GSTCD: variants seen among roughly 807,000 people sequenced by gnomAD.
The protein encoded by GSTCD is glutathione S-transferase C-terminal domain containing.
In GSTCD, 44 loss-of-function variants were observed where a neutral mutation model predicts 68.3. That is an observed-to-expected ratio of 0.64 (90% CI 0.51 to 0.83). The LOEUF (loss-of-function observed/expected upper bound fraction) is 0.83, where lower values mean the gene tolerates loss of function less well. Among genes scored for constraint, GSTCD ranks in the 40% least tolerant of loss-of-function variants. GSTCD has a pLI of 0.00. For missense variants in GSTCD, 739 were observed against 735.9 expected (o/e 1.00, Z -0.05); for synonymous variants, 273 against 255.2 (o/e 1.07, Z -0.67).
At chr4:105,711,418 TTTGG>T (rs1245922988) in intron 1 of GSTCD, among the ~76,000 whole-genome samples, 3 of 152,220 alleles carry the variant, frequency 2.0e-5, no homozygotes, top group African/African-American at 7.2e-5. Context: ...TTTTTCAGTA[TTTGG>T]TTGGGAAAAA....
intron 1 of GSTCD, among the ~76,000 whole-genome samples, chr4:105,712,213 G>A (rs887534884): frequency 6.6e-6 from 1 of 152,198 alleles, no homozygotes; most frequent in South Asian, 2.1e-4. Context: ...GGGAAGCTAG[G>A]TAAGAGGCTA....
intron 5 of GSTCD, among the ~76,000 whole-genome samples, chr4:105,812,550 T>A (rs1481187558): frequency 6.6e-6 from 1 of 152,062 alleles, no homozygotes; most frequent in African/African-American, 2.4e-5. Context: ...CATTTAAAAG[T>A]CTAAACAGTG....
At chr4:105,821,359 T>C (rs1156326838) in intron 5 of GSTCD, among the ~76,000 whole-genome samples, 1 of 151,864 alleles carries the variant, frequency 6.6e-6, no homozygotes, top group South Asian at 2.1e-4. Context: ...AAAGTTGTCA[T>C]GACAAAAATC....
intron 5 of GSTCD, among the ~76,000 whole-genome samples, chr4:105,743,865 C>A (rs1204697404): frequency 6.6e-6 from 1 of 151,614 alleles, no homozygotes; most frequent in Non-Finnish European, 1.5e-5. Context: ...TTTCACCGTG[C>A]TAGCCAGGAT....
chr4:105,841,548 G>A (rs144782586), intron 10 of GSTCD, among the ~76,000 whole-genome samples: 1 of 152,062 alleles, frequency 6.6e-6, no homozygotes, highest in African/African-American at 2.4e-5. Flanking sequence ...AGCTACATCT[G>A]GGCCAGCTGG....
chr4:105,769,263 ACACACACACAC>A (rs1359430216), intron 5 of GSTCD, among the ~76,000 whole-genome samples: 1 of 151,298 alleles, frequency 6.6e-6, no homozygotes, highest in Admixed American at 6.6e-5. Context: ...ACACACACAC[ACACACACACAC>A]CACTTTTCCT....
intron 5 of GSTCD, chr4:105,807,372 C>T (rs1722560020): frequency 6.6e-6 from 1 of 152,156 alleles, no homozygotes; most frequent in African/African-American, 2.4e-5. Context: ...ATGGAATACA[C>T]TGCCTGTATT....
chr4:105,794,121 T>C (rs1341414212), intron 5 of GSTCD, among the ~76,000 whole-genome samples: 1 of 152,102 alleles, frequency 6.6e-6, no homozygotes, highest in Non-Finnish European at 1.5e-5. Context: ...TTGATCCTTA[T>C]TAATCTTACA....
chr4:105,784,906 C>A (rs1553962709), intron 5 of GSTCD, among the ~76,000 whole-genome samples: 1 of 152,170 alleles, frequency 6.6e-6, no homozygotes, highest in Non-Finnish European at 1.5e-5. Flanking sequence ...TCTGACATCA[C>A]AAAATGTTCC....
chr4:105,788,274 G>A (rs1252311238), intron 5 of GSTCD, among the ~76,000 whole-genome samples: 3 of 151,998 alleles, frequency 2.0e-5, no homozygotes, highest in African/African-American at 7.3e-5. Context: ...GATTCATAGA[G>A]TTTTATAATT....
chr4:105,819,176 A>G (rs1170593144), intron 5 of GSTCD, among the ~76,000 whole-genome samples: 1 of 151,710 alleles, frequency 6.6e-6, no homozygotes, highest in Non-Finnish European at 1.5e-5. Flanking sequence ...TTTCACGTCA[A>G]TCTGATGTTC....
chr4:105,774,148 G>A (rs1424428651), intron 5 of GSTCD, among the ~76,000 whole-genome samples: 3 of 152,170 alleles, frequency 2.0e-5, no homozygotes, highest in Non-Finnish European at 1.5e-5. Flanking sequence ...GTTAGTTAAA[G>A]TCAGTTTTAT....
At chr4:105,710,281 G>A (rs1395667600) in intron 1 of GSTCD, among the ~76,000 whole-genome samples, 1 of 116,088 alleles carries the variant, frequency 8.6e-6, no homozygotes, top group Admixed American at 1.3e-4. Context: ...TCTGTCGCCT[G>A]GGGATGGATT....
intron 5 of GSTCD, among the ~76,000 whole-genome samples, chr4:105,800,782 C>CCA (rs1291896892): frequency 1.3e-5 from 2 of 152,138 alleles, no homozygotes; most frequent in African/African-American, 4.8e-5. Context: ...AAATACTGAA[C>CCA]CACTGCTCCT....
At chr4:105,736,550 A>G (rs543740814) in intron 5 of GSTCD, among the ~76,000 whole-genome samples, 1 of 152,180 alleles carries the variant, frequency 6.6e-6, no homozygotes, top group African/African-American at 2.4e-5. Flanking sequence ...ATAATGATCA[A>G]GTTAGTGTAA....
chr4:105,837,339 A>G (rs1232814639), intron 9 of GSTCD, among the ~76,000 whole-genome samples: 4 of 152,170 alleles, frequency 2.6e-5, no homozygotes, highest in Admixed American at 2.6e-4. Context: ...GAACGGCCCT[A>G]TGCCTGAGTT....
intron 5 of GSTCD, among the ~76,000 whole-genome samples, chr4:105,806,977 C>T (rs958592836): frequency 1.3e-5 from 2 of 151,988 alleles, no homozygotes; most frequent in African/African-American, 4.8e-5. Context: ...CCTCCCTTAC[C>T]TCACTTAGCC....
At position 105,764,744 on chromosome 4, in the gene GSTCD, G is replaced by A. The variant is rs533873122; in HGVS notation, c.1240+35245G>A. 1.1e-4 allele frequency among the ~76,000 whole-genome samples: 17 copies of A among 152,278 alleles called. No homozygotes were observed. The South Asian group carries it at 3.3e-3, about 30-fold the overall frequency. ...CAAATATAGTCATGTTGGAGGTTAG[G>A]CTTTTAACATAATTTTTGGGGGACA... On this transcript the variant is annotated intron_variant, in intron 5 of 11. Transcript: ENST00000515279.
rs3055931 is a variant in GSTCD, at chr4:105,756,495, T to TACACACACACACACACAC, written c.1240+27011_1240+27028dup. 1.7e-3 allele frequency among the ~76,000 whole-genome samples: 243 copies of TACACACACACACACACAC among 139,482 alleles called. 2 individuals are homozygous for TACACACACACACACACAC. Among genetic ancestry groups the TACACACACACACACACAC allele is most frequent in the Middle Eastern group, 0.011 (3 of 270 alleles). 91.5% of individuals were successfully genotyped at this position (139,482 alleles called of 152,430 possible). Reference sequence around the variant, plus strand: ...CACTGGTAGCAGAGACCTATGCACATACACACACACACACACACACACACA... The same window carrying TACACACACACACACACAC: ...CACTGGTAGCAGAGACCTATGCACATACACACACACACACACACACACACACACACACACACACACACA... On this transcript the variant is annotated intron_variant, in intron 5 of 11. Transcript: ENST00000515279.
Sources: allele counts gnomAD v4.1 joint callset (sites outside exome capture counted in the v4.1 genomes callset), GRCh38; gene constraint gnomAD v4.1.1; transcripts MANE v1.5; gene names NCBI Gene and HGNC (gene_info 2026-07-23, HGNC 2026-07-21).